Variants in MAML2 observed in about 807,000 individuals in gnomAD.
MAML2 encodes the protein mastermind-like protein 2.
MAML2 carries 22 observed loss-of-function variants against 96.1 expected under a neutral mutation model. The ratio of observed to expected loss-of-function variants is 0.23; its 90% CI spans 0.16 to 0.33. MAML2 has a LOEUF of 0.33. Among genes scored for constraint, MAML2 ranks in the 10% least tolerant of loss-of-function variants. The pLI, the probability that MAML2 is intolerant of heterozygous loss-of-function variation, is 1.00. For missense variants in MAML2, 1,367 were observed against 1,392.4 expected, an observed-to-expected ratio of 0.98 and a Z score of 0.29; for synonymous variants, 561 against 521.3, an observed-to-expected ratio of 1.08 and a Z score of -1.04.
At chr11:96,246,379 G>A (rs1301864513) in intron 1 of MAML2, among the ~76,000 whole-genome samples, 1 of 152,002 alleles carries the variant, frequency 6.6e-6, no homozygotes, top group East Asian at 1.9e-4. Flanking sequence ...GTTCTGAAAG[G>A]GATTTCATGT....
Position 96,235,833 on chromosome 11 carries a change from C to G in MAML2, c.513+105550G>C, listed in dbSNP as rs574626979. 5.3e-5 allele frequency among the ~76,000 whole-genome samples: 8 copies of G among 152,336 alleles called. No individual in the cohort carries two copies. The South Asian group carries it at 1.4e-3, about 28-fold the overall frequency. On this transcript the variant is annotated intron_variant, in intron 1 of 4. Coordinates refer to ENST00000524717, the MANE Select transcript of MAML2 (RefSeq NM_032427.4). ...AAGCATTCAGTACCGAGTAAAACCC[C>G]TTGCTGCTGTATCACAGTCATACCA...
chr11:96,286,255 A>G (rs916280085), intron 1 of MAML2, among the ~76,000 whole-genome samples: 1 of 152,220 alleles, frequency 6.6e-6, no homozygotes, highest in Non-Finnish European at 1.5e-5. Flanking sequence ...TTTCTCACTT[A>G]TAAGTGGGAG....
At chr11:96,100,278 G>GT (rs1385561863) in intron 1 of MAML2, among the ~76,000 whole-genome samples, 3 of 151,392 alleles carry the variant, frequency 2.0e-5, no homozygotes, top group African/African-American at 7.3e-5. Context: ...ATGTTTTAGG[G>GT]TTTTTTGTTG....
intron 3 of MAML2, among the ~76,000 whole-genome samples, chr11:95,991,267 C>G (rs182172824): frequency 2.6e-5 from 4 of 152,078 alleles, no homozygotes; most frequent in Non-Finnish European, 4.4e-5. Flanking sequence ...GTTGGTTGTT[C>G]TAGACATTCC....
At chr11:96,313,631 T>G (rs1011394802) in intron 1 of MAML2, among the ~76,000 whole-genome samples, 1 of 152,178 alleles carries the variant, frequency 6.6e-6, no homozygotes, top group Non-Finnish European at 1.5e-5. Context: ...CTGCTATAAT[T>G]TAGTAAAAGA....
At chr11:96,067,857 T>C (rs1464798934) in intron 2 of MAML2, among the ~76,000 whole-genome samples, 1 of 152,238 alleles carries the variant, frequency 6.6e-6, no homozygotes, top group Non-Finnish European at 1.5e-5. Flanking sequence ...AAGCTTGTGT[T>C]TTCAAATTGC....
chr11:96,205,560 G>C (rs1421342769), intron 1 of MAML2, among the ~76,000 whole-genome samples: 2 of 152,204 alleles, frequency 1.3e-5, no homozygotes, highest in African/African-American at 4.8e-5. Context: ...CTTGTGAAGG[G>C]ACACCTTCAA....
chr11:96,174,527 G>T (rs1311515526), intron 1 of MAML2, among the ~76,000 whole-genome samples: 1 of 152,152 alleles, frequency 6.6e-6, no homozygotes. Context: ...TGGATTACAG[G>T]CACCCGCCGC....
chr11:96,273,482 G>A (rs939653450), intron 1 of MAML2, among the ~76,000 whole-genome samples: 2 of 152,028 alleles, frequency 1.3e-5, no homozygotes, highest in African/African-American at 2.4e-5. Context: ...GTTAATTTTG[G>A]AACTTTTTTT....
intron 2 of MAML2, among the ~76,000 whole-genome samples, chr11:96,058,361 C>T (rs537223247): frequency 2.0e-5 from 3 of 152,252 alleles, no homozygotes; most frequent in African/African-American, 7.2e-5. Context: ...ACCCCGTTGC[C>T]CAGGCTGGAG....
chr11:96,332,366 A>G (rs1023438327), intron 1 of MAML2, among the ~76,000 whole-genome samples: 1 of 152,200 alleles, frequency 6.6e-6, no homozygotes, highest in Non-Finnish European at 1.5e-5. Context: ...ATGGAAGATC[A>G]GGTTCCCAAG....
intron 2 of MAML2, among the ~76,000 whole-genome samples, chr11:96,065,409 G>A (rs1397147284): frequency 7.2e-5 from 7 of 96,976 alleles, no homozygotes; most frequent in Middle Eastern, 5.0e-3. Flanking sequence ...ACATGCGTGC[G>A]TGCATGCACA....
At chr11:96,340,388 C>T (rs1262866279) in intron 1 of MAML2, among the ~76,000 whole-genome samples, 1 of 152,170 alleles carries the variant, frequency 6.6e-6, no homozygotes, top group Non-Finnish European at 1.5e-5. Context: ...TGCAGGGCCA[C>T]AGGGCAGGGT....
intron 1 of MAML2, among the ~76,000 whole-genome samples, chr11:96,274,726 T>C (rs1862963164): frequency 6.6e-6 from 1 of 152,204 alleles, no homozygotes. Flanking sequence ...ATGAGCTATA[T>C]AGCTCATATG....
chr11:96,010,921 C>A (rs945887808), intron 2 of MAML2, among the ~76,000 whole-genome samples: 4 of 152,130 alleles, frequency 2.6e-5, no homozygotes, highest in African/African-American at 7.2e-5. Context: ...TCACTTTAAT[C>A]CAGAAAAATA....
At position 96,258,648 on chromosome 11, in the gene MAML2, T is replaced by A. The variant is rs538855799; in HGVS notation, c.513+82735A>T. ...ACATCAAAGCCCAAGAATACAGTGGTCTAAGCCAGTGTGCTTAGAAGTTGC... is the reference window on the plus strand; with the variant it reads ...ACATCAAAGCCCAAGAATACAGTGGACTAAGCCAGTGTGCTTAGAAGTTGC... On this transcript the variant is annotated intron_variant, in intron 1 of 4. Transcript: ENST00000524717. Among the ~76,000 whole-genome samples the A allele has an allele frequency of 1.4e-4, 22 of 152,252 alleles. No individual in the cohort carries two copies. The South Asian group carries it at 4.6e-3, about 32-fold the overall frequency.
At chr11:96,084,318 T>C (rs1346239289) in intron 2 of MAML2, among the ~76,000 whole-genome samples, 1 of 152,190 alleles carries the variant, frequency 6.6e-6, no homozygotes. Context: ...GGTGATGACA[T>C]GATCAAATTC....
In MAML2 at chr11:96,093,076, G is replaced by A; in HGVS notation, c.955C>T (p.Pro319Ser). Residue 319 changes from proline to serine, a missense_variant, in exon 2 of 5, where the codon CCT (proline) becomes TCT (serine). Coordinates refer to ENST00000524717, the MANE Select transcript of MAML2 (RefSeq NM_032427.4). Reference sequence around the variant, plus strand: ...TCCAGTTCAAGGTCACTCATGGGAGGCACAGATATGTTGGTCAGTTCATTG... The same window carrying A: ...TCCAGTTCAAGGTCACTCATGGGAGACACAGATATGTTGGTCAGTTCATTG... ...LFNELTNISV[P>S]PMSDLELENM... 1 of 1,613,978 alleles carries A rather than the reference G, an allele frequency of 6.2e-7. No homozygotes were observed. The highest frequency in any genetic ancestry group is 2.2e-5 in the East Asian group (1 of 44,884).
intron 1 of MAML2, among the ~76,000 whole-genome samples, chr11:96,264,376 A>G (rs1214254942): frequency 6.6e-6 from 1 of 152,064 alleles, no homozygotes; most frequent in Admixed American, 6.6e-5. Context: ...ACCAATACCT[A>G]CCTCTGGCAG....
Sources: allele counts gnomAD v4.1 joint callset (sites outside exome capture counted in the v4.1 genomes callset), GRCh38; gene constraint gnomAD v4.1.1; transcripts MANE v1.5; gene names NCBI Gene and HGNC (gene_info 2026-07-23, HGNC 2026-07-21).